Variants in TNRC6B observed in about 807,000 individuals in gnomAD.
TNRC6B encodes the protein trinucleotide repeat-containing gene 6B protein.
Under a neutral mutation model 203.6 loss-of-function variants are expected in TNRC6B, and 52 were observed. The observed-to-expected ratio is 0.26, with a 90% CI of 0.20 to 0.32. The LOEUF (loss-of-function observed/expected upper bound fraction) is 0.32, where lower values mean the gene tolerates loss of function less well. Among genes scored for constraint, TNRC6B ranks in the 10% least tolerant of loss-of-function variants. The pLI is 1.00. For missense variants in TNRC6B, 1,923 were observed against 2,286.2 expected (o/e 0.84, Z 3.24); for synonymous variants, 838 against 845.7 (o/e 0.99, Z 0.16).
intron 1 of TNRC6B, among the ~76,000 whole-genome samples, chr22:40,102,182 T>G (rs542153653): frequency 6.6e-6 from 1 of 152,246 alleles, no homozygotes; most frequent in Non-Finnish European, 1.5e-5. Flanking sequence ...GCTTTCTGAT[T>G]TACCTTTTTC....
chr22:40,235,307 G>A (rs981234993), intron 1 of TNRC6B, among the ~76,000 whole-genome samples: 2 of 152,134 alleles, frequency 1.3e-5, no homozygotes, highest in African/African-American at 2.4e-5. Flanking sequence ...TTATTAAATG[G>A]TACTTGAGAG....
At chr22:40,241,146 T>A (rs1176375441) in intron 1 of TNRC6B, among the ~76,000 whole-genome samples, 1 of 152,184 alleles carries the variant, frequency 6.6e-6, no homozygotes, top group Non-Finnish European at 1.5e-5. Flanking sequence ...TTGGAAACAA[T>A]CTCGAACTTA....
intron 4 of TNRC6B, among the ~76,000 whole-genome samples, chr22:40,168,623 T>C (rs531969622): frequency 5.9e-5 from 9 of 152,358 alleles, no homozygotes; most frequent in African/African-American, 2.2e-4. Flanking sequence ...TTAGGTTGCA[T>C]TGGAGATCTA....
In TNRC6B at chr22:40,273,450, G is replaced by C. The variant is rs763492540; in HGVS notation, c.2991G>C (p.Trp997Cys). The part of the protein sequence containing the change: ...KPNSKSMQDG[W>C]GESDGPVTGA... ...ATTCCAAATCTATGCAAGACGGCTG[G>C]GGGGAGAGTGACGGGCCAGTCACAG... Residue 997 changes from tryptophan (W) to cysteine (C), a missense_variant, in exon 7 of 23, where the codon TGG (tryptophan) becomes TGC (cysteine). By Grantham distance (215) the Trp-to-Cys change is radical. Around this residue, in one of 8 missense-constraint regions of TNRC6B, gnomAD observed 599 missense variants for 656.5 expected, o/e 0.91. Coordinates refer to ENST00000454349, the MANE Select transcript of TNRC6B (RefSeq NM_001162501.2). 13 of 1,610,260 alleles carry C rather than the reference G, an allele frequency of 8.1e-6. No homozygotes were observed. Among genetic ancestry groups the C allele is most frequent in the Admixed American group, 5.0e-5 (3 of 59,564 alleles).
chr22:40,194,789 G>A (rs1249340273), intron 1 of TNRC6B, among the ~76,000 whole-genome samples: 1 of 152,178 alleles, frequency 6.6e-6, no homozygotes, highest in Admixed American at 6.5e-5. Flanking sequence ...CAGAGTGGCT[G>A]GTCCCTCCAC....
intron 1 of TNRC6B, among the ~76,000 whole-genome samples, chr22:40,064,400 C>T (rs553083995): frequency 5.3e-5 from 8 of 151,014 alleles, no homozygotes; most frequent in African/African-American, 1.7e-4. Flanking sequence ...TGGCCTTTAT[C>T]GGGTTAAGGA....
chr22:40,157,600 A>G (rs1415750085), intron 4 of TNRC6B, among the ~76,000 whole-genome samples: 2 of 152,216 alleles, frequency 1.3e-5, no homozygotes, highest in African/African-American at 4.8e-5. Flanking sequence ...ATTCTATCAA[A>G]TGCACTTACA....
chr22:40,069,678 G>T (rs1298177211), intron 1 of TNRC6B, among the ~76,000 whole-genome samples: 2 of 151,706 alleles, frequency 1.3e-5, no homozygotes, highest in Non-Finnish European at 2.9e-5. Flanking sequence ...GTAGAGATGG[G>T]GTTTCTCCAT....
chr22:40,125,345 C>T (rs762290967), intron 2 of TNRC6B, among the ~76,000 whole-genome samples: 24 of 152,162 alleles, frequency 1.6e-4, no homozygotes, highest in Non-Finnish European at 2.8e-4. Flanking sequence ...GGAAACCCTG[C>T]CAATTCCAAT....
intron 3 of TNRC6B, among the ~76,000 whole-genome samples, chr22:40,132,943 CAAAA>C (rs71199270): frequency 1.3e-4 from 3 of 23,870 alleles, no homozygotes; most frequent in African/African-American, 5.3e-4. Flanking sequence ...GACTCTGTCT[CAAAA>C]AAAAAAAAAA....
At chr22:40,148,364 A>C (rs976259306) in intron 3 of TNRC6B, among the ~76,000 whole-genome samples, 2 of 150,956 alleles carry the variant, frequency 1.3e-5, no homozygotes, top group Admixed American at 1.3e-4. Context: ...GCTCACTGCA[A>C]CCTCCGCCTC....
At chr22:40,072,636 G>C (rs560139590) in intron 1 of TNRC6B, among the ~76,000 whole-genome samples, 1 of 152,202 alleles carries the variant, frequency 6.6e-6, no homozygotes, top group Admixed American at 6.5e-5. Context: ...AGCCCAGGAG[G>C]GCAGATCACC....
At chr22:40,251,068 C>T in intron 2 of TNRC6B, 111 bp from the exon 3 acceptor site, 3 of 798,354 alleles carry the variant, frequency 3.8e-6, no homozygotes, top group Non-Finnish European at 1.9e-6. Flanking sequence ...TTCAGCTATG[C>T]CTGTGTGCCT....
chr22:40,250,164 A>G (rs979594010), intron 2 of TNRC6B, among the ~76,000 whole-genome samples: 29 of 152,272 alleles, frequency 1.9e-4, no homozygotes, highest in Admixed American at 3.9e-4. Flanking sequence ...TAAAAGATTA[A>G]CAGTTGGGAA....
chr22:40,296,385 G>T (rs2070941947), intron 12 of TNRC6B, among the ~76,000 whole-genome samples: 1 of 146,068 alleles, frequency 6.8e-6, no homozygotes, highest in African/African-American at 2.6e-5. Flanking sequence ...AGGCTAGAGT[G>T]CAGTGGCGTG....
chr22:40,274,799 A>G (rs1394060286), intron 7 of TNRC6B, among the ~76,000 whole-genome samples: 7 of 152,130 alleles, frequency 4.6e-5, no homozygotes, highest in Non-Finnish European at 7.4e-5. Context: ...AGTCCTCATC[A>G]CAGTTTGATG....
chr22:40,157,342 T>C (rs1365265434), intron 4 of TNRC6B, among the ~76,000 whole-genome samples: 1 of 152,302 alleles, frequency 6.6e-6, no homozygotes, highest in East Asian at 1.9e-4. Flanking sequence ...GAGAAACTTC[T>C]CTCATTCATA....
intron 2 of TNRC6B, among the ~76,000 whole-genome samples, chr22:40,121,275 C>A: frequency 6.9e-6 from 1 of 144,748 alleles, no homozygotes; most frequent in East Asian, 2.4e-4. Flanking sequence ...TAGCCAGAAA[C>A]CTCTTAATTT....
intron 1 of TNRC6B, among the ~76,000 whole-genome samples, chr22:40,186,863 T>TA (rs1217344019): frequency 1.3e-5 from 2 of 152,192 alleles, no homozygotes; most frequent in Non-Finnish European, 2.9e-5. Context: ...CGCAACATTT[T>TA]ACGTTTTTTT....
Sources: allele counts gnomAD v4.1 joint callset (sites outside exome capture counted in the v4.1 genomes callset), GRCh38; gene constraint gnomAD v4.1.1; regional missense constraint gnomAD v4.1.1; transcripts MANE v1.5; gene names NCBI Gene and HGNC (gene_info 2026-07-23, HGNC 2026-07-21).